The following PYGO1 variants were observed in gnomAD, a reference collection of about 807,000 sequenced individuals.
The protein encoded by PYGO1 is pygopus homolog 1.
Under a neutral mutation model 29.5 loss-of-function variants are expected in PYGO1, and 6 were observed. The observed-to-expected ratio is 0.20, with a 90% CI of 0.11 to 0.40. The LOEUF (loss-of-function observed/expected upper bound fraction) is 0.40. Ranked by LOEUF, PYGO1 falls within the 10% of genes least tolerant of loss-of-function variation. The pLI is 1.00. For synonymous variants in PYGO1, 186 were observed against 180.5 expected (o/e 1.03, Z -0.24); for missense variants, 515 against 514.9 (o/e 1.00, Z 0.00).
Position 55,546,292 on chromosome 15 carries a change from G to A in PYGO1, c.991C>T (p.Arg331Cys), listed in dbSNP as rs780685282. 8 of 1,614,176 alleles carry A rather than the reference G, an allele frequency of 5.0e-6. No homozygotes were observed. Among genetic ancestry groups the A allele is most frequent in the South Asian group, 3.3e-5 (3 of 91,082 alleles). The change falls in exon 3 of 3, where the codon CGT (arginine) becomes TGT (cysteine). Residue 331 changes from arginine (R) to cysteine (C), a missense_variant. Coordinates refer to ENST00000563719, the MANE Select transcript of PYGO1 (RefSeq NM_001367806.1). The stretch of plus-strand genomic sequence containing the variant: ...GGGTCAGAAGACGAATGGCCATGAC[G>A]GTTTGGGTGAAGAGAGGATTTATTG... The part of the protein sequence containing the change: ...KSNKSSLHPN[R>C]HGHSSSDPVY...
chr15:55,546,252 C>A lies in PYGO1; in HGVS notation c.1031G>T (p.Gly344Val), dbSNP rs1405283223. 6.2e-7 allele frequency: 1 copy of A among 1,614,158 alleles called. No homozygotes were observed. Among genetic ancestry groups the A allele is most frequent in the South Asian group, 1.1e-5 (1 of 91,088 alleles). Residue 344 changes from glycine to valine, a missense_variant, in exon 3 of 3, where the codon GGA becomes GTA. Coordinates refer to ENST00000563719, the MANE Select transcript of PYGO1 (RefSeq NM_001367806.1). ...ATCGTTCACCTCGTTTGTACAAATT[C>A]CACAAGGATACACTGGGTCAGAAGA... ...HSSSDPVYPC[G>V]ICTNEVNDDQ...
In PYGO1 at chr15:55,587,822, C is replaced by G. The variant is rs1221933369; in HGVS notation, c.49+13G>C. On this transcript the variant is annotated intron_variant, in intron 1 of 2. Transcript: ENST00000563719. ...CACCCCGGTTCCCCCAATCCGGCAC[C>G]CTTCTCGGTTACCTCGAACTCTCTT... 1 of 1,487,788 alleles carries G rather than the reference C, an allele frequency of 6.7e-7. No individual in the cohort carries two copies. The highest frequency in any genetic ancestry group is 1.4e-5 in the African/African-American group (1 of 69,494). 92.2% of individuals were successfully genotyped at this position (1,487,788 alleles called of 1,614,324 possible).
chr15:55,582,231 G>A (rs2059028115), intron 1 of PYGO1, among the ~76,000 whole-genome samples: 2 of 130,204 alleles, frequency 1.5e-5, no homozygotes, highest in Non-Finnish European at 3.4e-5. Flanking sequence ...AAAAATTAAG[G>A]AGACAGAAAT....
intron 1 of PYGO1, among the ~76,000 whole-genome samples, chr15:55,555,279 GA>G (rs2058899065): frequency 6.6e-6 from 1 of 151,902 alleles, no homozygotes; most frequent in Non-Finnish European, 1.5e-5. Context: ...AGCAAAGGAG[GA>G]ATAAGATCGT....
intron 1 of PYGO1, among the ~76,000 whole-genome samples, chr15:55,563,501 G>A (rs141514448): frequency 2.4e-3 from 362 of 151,850 alleles, no homozygotes; most frequent in African/African-American, 8.3e-3. Context: ...TGAATAGTGC[G>A]CCACCATGCC....
chr15:55,540,082 A>G lies in PYGO1; in HGVS notation c.*5941T>C, dbSNP rs2058822755. On this transcript the variant is annotated 3_prime_UTR_variant, in exon 3 of 3. Transcript: ENST00000563719. The stretch of plus-strand genomic sequence containing the variant: ...AAAATAAGAATGCTTTTAAATTACT[A>G]TTCTTAAGTAAACACCTCTAAATAA... 6.6e-6 allele frequency: 1 copy of G among 152,066 alleles called. No individual in the cohort carries two copies. Among genetic ancestry groups the G allele is most frequent in the Admixed American group, 6.5e-5 (1 of 15,278 alleles). The allele number at this position is 152,066 out of a possible 1,614,324, so 9.4% of individuals were successfully genotyped here. A position where few individuals can be genotyped will look rare whatever the true frequency, so the allele number is the denominator to read the frequency against.
chr15:55,569,429 T>C (rs1182328962), intron 1 of PYGO1, among the ~76,000 whole-genome samples: 4 of 152,212 alleles, frequency 2.6e-5, no homozygotes, highest in Admixed American at 1.3e-4. Flanking sequence ...GTGCTACATA[T>C]GCTCCTTTTA....
intron 1 of PYGO1, among the ~76,000 whole-genome samples, chr15:55,556,134 C>T (rs1567052984): frequency 1.3e-5 from 2 of 152,140 alleles, no homozygotes; most frequent in Admixed American, 1.3e-4. Context: ...AGGACCTGCA[C>T]TCAGCTCTGG....
intron 1 of PYGO1, among the ~76,000 whole-genome samples, chr15:55,579,263 C>T (rs1231540860): frequency 6.6e-6 from 1 of 152,116 alleles, no homozygotes; most frequent in African/African-American, 2.4e-5. Context: ...ATCCTTGAAT[C>T]TGAATACCTT....
rs2058831946 is a variant in PYGO1, at chr15:55,542,497, C to CT, written c.*3525dup. The CT allele has an allele frequency of 6.6e-6, 1 of 152,214 alleles. No homozygotes were observed. Among genetic ancestry groups the CT allele is most frequent in the African/African-American group, 2.4e-5 (1 of 41,456 alleles). 9.4% of individuals were successfully genotyped at this position (152,214 alleles called of 1,614,324 possible). ...GATCACAAATCTAATTCTAAGCACT[C>CT]TGTCTGAAGAACAATTTATCTTTCA... On this transcript the variant is annotated 3_prime_UTR_variant, in exon 3 of 3. Transcript: ENST00000563719.
chr15:55,559,190 C>A (rs1015992909), intron 1 of PYGO1, among the ~76,000 whole-genome samples: 8 of 152,138 alleles, frequency 5.3e-5, no homozygotes, highest in Admixed American at 1.3e-4. Flanking sequence ...AGACACTTCT[C>A]AAAAGAAGAC....
At position 55,546,524 on chromosome 15, in the gene PYGO1, G is replaced by A; in HGVS notation, c.759C>T (p.Ser253=). The change falls in exon 3 of 3, where the codon TCC becomes TCT. Residue 253 remains serine, a synonymous_variant. Transcript: ENST00000563719. The part of the protein sequence containing the change: ...QGATKNTNQN[S]SAHPPHLNMD... ...TATTCAAGTGAGGTGGATGAGCAGA[G>A]GAATTTTGATTAGTGTTTTTGGTTG... The A allele has an allele frequency of 6.2e-7, 1 of 1,614,064 alleles. No homozygotes were observed. Among genetic ancestry groups the A allele is most frequent in the South Asian group, 1.1e-5 (1 of 91,070 alleles).
At position 55,546,394 on chromosome 15, in the gene PYGO1, T is replaced by A. The variant is rs1595979734; in HGVS notation, c.889A>T (p.Asn297Tyr). 6.2e-7 allele frequency: 1 copy of A among 1,614,062 alleles called. No homozygotes were observed. Among genetic ancestry groups the A allele is most frequent in the Non-Finnish European group, 8.5e-7 (1 of 1,180,038 alleles). The part of the protein sequence containing the change: ...SRSSSTEATN[N>Y]NPANGTQNKP... ...TTCTGCGTCCCATTTGCAGGGTTAT[T>A]GTTTGTGGCTTCAGTGCTACTTGAA... Residue 297 changes from asparagine (N) to tyrosine (Y), a missense_variant, in exon 3 of 3, where the codon AAT (asparagine) becomes TAT (tyrosine). Transcript: ENST00000563719.
In PYGO1 at chr15:55,551,401, T is replaced by C. The variant is rs866688376; in HGVS notation, c.50-2406A>G. 1.1e-4 allele frequency among the ~76,000 whole-genome samples: 16 copies of C among 152,272 alleles called. No individual in the cohort carries two copies. In the South Asian group the frequency reaches 1.9e-3, roughly 18 times the overall value. ...ACTTAAATAGAAGCAGAGGGAACAC[T>C]TCCTAACTCATTCTATTGGGCCAAT... On this transcript the variant is annotated intron_variant, in intron 1 of 2. Coordinates refer to ENST00000563719, the MANE Select transcript of PYGO1 (RefSeq NM_001367806.1).
chr15:55,567,710 G>T (rs1198708037), intron 1 of PYGO1, among the ~76,000 whole-genome samples: 3 of 152,016 alleles, frequency 2.0e-5, no homozygotes, highest in African/African-American at 7.3e-5. Context: ...TGTTTCCTGG[G>T]TATTCTTGGA....
At chr15:55,568,630 G>A (rs1361820248) in intron 1 of PYGO1, among the ~76,000 whole-genome samples, 1 of 152,046 alleles carries the variant, frequency 6.6e-6, no homozygotes, top group Non-Finnish European at 1.5e-5. Context: ...GTACTGTACT[G>A]AATAGGAGTC....
intron 1 of PYGO1, among the ~76,000 whole-genome samples, chr15:55,572,050 C>G (rs915505550): frequency 6.6e-6 from 1 of 152,028 alleles, no homozygotes; most frequent in Non-Finnish European, 1.5e-5. Context: ...CCAAGGGCAT[C>G]TTCCACAGAA....
intron 1 of PYGO1, among the ~76,000 whole-genome samples, chr15:55,578,590 T>C (rs1278398121): frequency 6.6e-6 from 1 of 152,230 alleles, no homozygotes; most frequent in Non-Finnish European, 1.5e-5. Flanking sequence ...TTGATTTGCA[T>C]TTCCATAATG....
intron 1 of PYGO1, among the ~76,000 whole-genome samples, chr15:55,570,059 T>C (rs1364998886): frequency 6.6e-6 from 1 of 152,200 alleles, no homozygotes; most frequent in Non-Finnish European, 1.5e-5. Flanking sequence ...TCCCTCTACC[T>C]GAGTTGCTCA....
Sources: allele counts gnomAD v4.1 joint callset (sites outside exome capture counted in the v4.1 genomes callset), GRCh38; gene constraint gnomAD v4.1.1; transcripts MANE v1.5; gene names NCBI Gene and HGNC (gene_info 2026-07-23, HGNC 2026-07-21).